Variants in STK32B observed in about 807,000 individuals in gnomAD.
STK32B encodes serine/threonine-protein kinase 32B.
Under a neutral mutation model 52.6 loss-of-function variants are expected in STK32B, and 43 were observed. That is an observed-to-expected ratio of 0.82 (90% confidence interval 0.64 to 1.05). The LOEUF (loss-of-function observed/expected upper bound fraction) is 1.05. STK32B is among the 50% of genes least tolerant of loss of function. The pLI, the probability that STK32B is intolerant of heterozygous loss-of-function variation, is 0.00. For missense variants in STK32B, 621 were observed against 534.6 expected (o/e 1.16, Z -1.59); for synonymous variants, 238 against 204.3 (o/e 1.17, Z -1.41).
chr4:5,477,949 C>T (rs916486161), intron 11 of STK32B, among the ~76,000 whole-genome samples: 3 of 152,158 alleles, frequency 2.0e-5, no homozygotes, highest in African/African-American at 7.2e-5. Context: ...CCCAGCAAAC[C>T]TCACCCTTAA....
chr4:5,253,129 A>G (rs1056353046), intron 3 of STK32B, among the ~76,000 whole-genome samples: 2 of 152,062 alleles, frequency 1.3e-5, no homozygotes, highest in African/African-American at 4.8e-5. Context: ...GTCTTCAGGA[A>G]GCCTCTGGGA....
upstream of STK32B, among the ~76,000 whole-genome samples, chr4:5,046,866 AG>A (rs1465322694): frequency 2.0e-5 from 3 of 152,258 alleles, no homozygotes; most frequent in Non-Finnish European, 4.4e-5. Flanking sequence ...GTGGAGAAAC[AG>A]GAGCACTTTT....
intron 3 of STK32B, among the ~76,000 whole-genome samples, chr4:5,177,473 C>T (rs1052152477): frequency 2.0e-5 from 3 of 152,108 alleles, no homozygotes; most frequent in Non-Finnish European, 2.9e-5. Context: ...CAAACCATAT[C>T]ATTCTGCCCC....
chr4:5,298,775 G>T (rs1577311210), intron 3 of STK32B, among the ~76,000 whole-genome samples: 1 of 151,908 alleles, frequency 6.6e-6, no homozygotes, highest in Non-Finnish European at 1.5e-5. Flanking sequence ...CCTCGCTTCA[G>T]TCCCCTTTCC....
chr4:5,339,582 T>C (rs192648967), intron 4 of STK32B, among the ~76,000 whole-genome samples: 112 of 152,322 alleles, frequency 7.4e-4, no homozygotes, highest in African/African-American at 2.6e-3. Flanking sequence ...CCAGACACTT[T>C]CAATGCCGTA....
chr4:5,445,348 C>G (rs551961146), intron 6 of STK32B, among the ~76,000 whole-genome samples: 2 of 152,196 alleles, frequency 1.3e-5, no homozygotes, highest in East Asian at 3.8e-4. Context: ...CAGCTTTAAT[C>G]ACAACAGTAT....
intron 4 of STK32B, among the ~76,000 whole-genome samples, chr4:5,381,322 A>G (rs1735919797): frequency 6.6e-6 from 1 of 152,226 alleles, no homozygotes; most frequent in Non-Finnish European, 1.5e-5. Context: ...TTAAGTCTCC[A>G]GGTCAGATTG....
intron 4 of STK32B, among the ~76,000 whole-genome samples, chr4:5,387,801 A>C (rs144475945): frequency 2.0e-5 from 3 of 152,036 alleles, no homozygotes; most frequent in African/African-American, 7.2e-5. Context: ...CTGGAGTGCA[A>C]TGGCACAACC....
intron 3 of STK32B, among the ~76,000 whole-genome samples, chr4:5,265,699 T>G (rs1174203626): frequency 6.6e-6 from 1 of 152,252 alleles, no homozygotes; most frequent in Non-Finnish European, 1.5e-5. Flanking sequence ...TTTCCACATC[T>G]TATAACTCAA....
intron 9 of STK32B, among the ~76,000 whole-genome samples, chr4:5,461,441 A>G (rs1717016770): frequency 1.3e-5 from 2 of 152,182 alleles, no homozygotes; most frequent in African/African-American, 2.4e-5. Flanking sequence ...ATGTCTCCCC[A>G]CATCAGTTTC....
At chr4:5,136,742 C>T (rs1349027349) in intron 1 of STK32B, among the ~76,000 whole-genome samples, 1 of 152,184 alleles carries the variant, frequency 6.6e-6, no homozygotes, top group East Asian at 1.9e-4. Context: ...TGACTGAAGC[C>T]ATTTTAATCT....
intron 7 of STK32B, among the ~76,000 whole-genome samples, chr4:5,449,016 A>AGG (rs1715731222): frequency 6.6e-6 from 1 of 152,178 alleles, no homozygotes; most frequent in Admixed American, 6.5e-5. Context: ...GGTAGGATCC[A>AGG]GGGAGCTCCT....
At chr4:5,120,135 G>A (rs185755782) in intron 1 of STK32B, among the ~76,000 whole-genome samples, 27 of 152,316 alleles carry the variant, frequency 1.8e-4, no homozygotes, top group African/African-American at 6.5e-4. Context: ...CCTTTGTCCA[G>A]TGGATCCACG....
At chr4:5,355,146 C>G (rs570381923) in intron 4 of STK32B, among the ~76,000 whole-genome samples, 1 of 152,164 alleles carries the variant, frequency 6.6e-6, no homozygotes, top group Non-Finnish European at 1.5e-5. Flanking sequence ...CAACAGGAAA[C>G]GAATCCTCTA....
intron 3 of STK32B, among the ~76,000 whole-genome samples, chr4:5,185,746 C>G (rs993047087): frequency 6.6e-6 from 1 of 152,238 alleles, no homozygotes; most frequent in Non-Finnish European, 1.5e-5. Flanking sequence ...CAGGACAGGT[C>G]TTATCAAAGC....
At chr4:5,194,953 A>T (rs1407597613) in intron 3 of STK32B, among the ~76,000 whole-genome samples, 1 of 152,216 alleles carries the variant, frequency 6.6e-6, no homozygotes. Context: ...AGCTGCCCTC[A>T]TGATCCAATC....
chr4:5,367,301 A>G (rs1276937111), intron 4 of STK32B, among the ~76,000 whole-genome samples: 1 of 152,108 alleles, frequency 6.6e-6, no homozygotes, highest in Non-Finnish European at 1.5e-5. Flanking sequence ...TGTCAAACAG[A>G]AGAGGAAAGA....
chr4:5,291,924 C>G (rs1728917110), intron 3 of STK32B, among the ~76,000 whole-genome samples: 1 of 151,992 alleles, frequency 6.6e-6, no homozygotes, highest in Non-Finnish European at 1.5e-5. Context: ...TTGCATGATG[C>G]TGAGGTTTGG....
At chr4:5,156,454 C>G (rs1377584462) in intron 2 of STK32B, among the ~76,000 whole-genome samples, 1 of 152,190 alleles carries the variant, frequency 6.6e-6, no homozygotes, top group Non-Finnish European at 1.5e-5. Flanking sequence ...TCTATTTCCA[C>G]TCACCCTCGT....
Sources: gnomAD v4.1 joint callset for allele counts (sites outside exome capture counted in the v4.1 genomes callset) on GRCh38, gnomAD v4.1.1 for gene constraint, MANE v1.5 for transcripts, NCBI Gene and HGNC (gene_info 2026-07-23, HGNC 2026-07-21) for gene names.